DENND5B: variants seen among roughly 807,000 people sequenced by gnomAD.
The protein encoded by DENND5B is DENN domain-containing protein 5B.
A neutral mutation model predicts 140.6 loss-of-function variants in DENND5B; 34 were observed. That is an observed-to-expected ratio of 0.24 (90% CI 0.18 to 0.32). DENND5B has a LOEUF of 0.32. Ranked by LOEUF, DENND5B falls within the 10% of genes least tolerant of loss-of-function variation. DENND5B has a pLI of 1.00. For synonymous variants in DENND5B, 551 were observed against 562.1 expected (o/e 0.98, Z 0.28); for missense variants, 1,142 against 1,560.2 (o/e 0.73, Z 4.52).
intron 2 of DENND5B, among the ~76,000 whole-genome samples, chr12:31,489,791 T>C (rs1319303867): frequency 6.6e-6 from 1 of 152,168 alleles, no homozygotes; most frequent in East Asian, 1.9e-4. Flanking sequence ...GTGACCTGAG[T>C]GCTGGGAAGA....
intron 1 of DENND5B, among the ~76,000 whole-genome samples, chr12:31,526,118 T>G (rs1485682491): frequency 1.3e-5 from 2 of 152,212 alleles, no homozygotes; most frequent in African/African-American, 4.8e-5. Context: ...CCAGTTGTTA[T>G]TACAGTCTGT....
At chr12:31,564,662 C>T (rs1403332432) in intron 1 of DENND5B, among the ~76,000 whole-genome samples, 7 of 151,532 alleles carry the variant, frequency 4.6e-5, no homozygotes, top group Admixed American at 3.9e-4. Context: ...GATCTCTGCT[C>T]ACTGCAACCT....
intron 4 of DENND5B, among the ~76,000 whole-genome samples, chr12:31,458,784 TAAGA>T (rs1193474565): frequency 1.3e-5 from 2 of 152,212 alleles, no homozygotes; most frequent in Non-Finnish European, 2.9e-5. Context: ...GAGATTCTAT[TAAGA>T]AAGATGTGAA....
At chr12:31,521,790 C>G (rs1292312393) in intron 1 of DENND5B, among the ~76,000 whole-genome samples, 1 of 152,190 alleles carries the variant, frequency 6.6e-6, no homozygotes, top group Admixed American at 6.5e-5. Flanking sequence ...AGGTACACTT[C>G]ATCTCTTGTC....
intron 11 of DENND5B, among the ~76,000 whole-genome samples, chr12:31,419,356 G>A (rs1285427082): frequency 6.6e-6 from 1 of 152,080 alleles, no homozygotes; most frequent in African/African-American, 2.4e-5. Context: ...GGCAGAGGCA[G>A]GAGAATCTCT....
chr12:31,506,796 G>A (rs112432003), intron 1 of DENND5B, among the ~76,000 whole-genome samples: 307 of 152,332 alleles, frequency 2.0e-3, no homozygotes, highest in African/African-American at 7.0e-3. Context: ...AGATCAAGGA[G>A]AGAATGCAGA....
At chr12:31,588,210 T>A (rs60362906) in intron 1 of DENND5B, among the ~76,000 whole-genome samples, 1 of 152,144 alleles carries the variant, frequency 6.6e-6, no homozygotes, top group Non-Finnish European at 1.5e-5. Context: ...AGGTGATCCA[T>A]CTGGCCTGCT....
intron 1 of DENND5B, among the ~76,000 whole-genome samples, chr12:31,528,384 C>A (rs1948160956): frequency 6.6e-6 from 1 of 152,138 alleles, no homozygotes; most frequent in Admixed American, 6.5e-5. Context: ...GCATTTAGAG[C>A]CAACCAGGAT....
chr12:31,469,347 AAGAAG>A (rs764684934), intron 3 of DENND5B, among the ~76,000 whole-genome samples: 6 of 56,246 alleles, frequency 1.1e-4, no homozygotes, highest in South Asian at 5.5e-4. Context: ...AAAAAAAAAA[AAGAAG>A]AAGAAGAAGA....
At position 31,461,119 on chromosome 12, in the gene DENND5B, G is replaced by A. The variant is rs1944999469; in HGVS notation, c.905-738C>T. 3.9e-5 allele frequency among the ~76,000 whole-genome samples: 6 copies of A among 152,038 alleles called. No homozygotes were observed. The South Asian group carries it at 6.2e-4, about 16-fold the overall frequency. On this transcript the variant is annotated intron_variant, in intron 3 of 20. Coordinates refer to ENST00000389082, the MANE Select transcript of DENND5B (RefSeq NM_144973.4). ...TGTTTTGAGACAGTCTGGCCCCGTC[G>A]CCCAGGCTGGAGTGCAGTGGCATGA...
At chr12:31,430,712 A>G (rs1368012381) in intron 8 of DENND5B, among the ~76,000 whole-genome samples, 3 of 152,064 alleles carry the variant, frequency 2.0e-5, no homozygotes, top group Non-Finnish European at 4.4e-5. Context: ...TGTTTTATAT[A>G]AAGGAAAACA....
Position 31,413,482 on chromosome 12 carries a change from A to G in DENND5B, c.2635T>C (p.Leu879=). The G allele has an allele frequency of 6.2e-7, 1 of 1,613,868 alleles. No homozygotes were observed. ...AGCAACTGCTTAAGATGCTGGGACA[A>G]GAGCTTCTTTTCTAGAGACAGTCTT... ...WIRLSLEKKL[L]SQHLKQLLSN... is the part of the protein sequence containing the mutation. Residue 879 remains leucine (L), a synonymous_variant, in exon 13 of 21, where the codon TTG becomes CTG. Coordinates refer to ENST00000389082, the MANE Select transcript of DENND5B (RefSeq NM_144973.4).
chr12:31,466,687 T>C (rs1945282753), intron 3 of DENND5B, among the ~76,000 whole-genome samples: 1 of 132,476 alleles, frequency 7.5e-6, no homozygotes, highest in South Asian at 2.7e-4. Context: ...AGTGAGACTC[T>C]GTCTCAAAAA....
chr12:31,438,675 TAAC>T (rs1035950019), intron 7 of DENND5B, among the ~76,000 whole-genome samples: 3 of 151,652 alleles, frequency 2.0e-5, no homozygotes, highest in African/African-American at 7.3e-5. Flanking sequence ...AGAATATAAA[TAAC>T]AAACAAAATG....
Position 31,453,081 on chromosome 12 carries a change from T to C in DENND5B, c.1093-605A>G, listed in dbSNP as rs149129504. Among the ~76,000 whole-genome samples, 509 of 152,308 alleles carry C rather than the reference T, an allele frequency of 3.3e-3. 5 individuals are homozygous for C. Among genetic ancestry groups the C allele is most frequent in the African/African-American group, 0.011 (456 of 41,578 alleles). On this transcript the variant is annotated intron_variant, in intron 4 of 20. Coordinates refer to ENST00000389082, the MANE Select transcript of DENND5B (RefSeq NM_144973.4). ...GTAGTATCTCCCAATAGGATGAAAC[T>C]GGCAAAATCAATCCAATTCACAGAT...
In DENND5B at chr12:31,409,394, G is replaced by A. The variant is rs1215718338; in HGVS notation, c.2682-10C>T. The A allele has an allele frequency of 1.2e-5, 19 of 1,536,810 alleles. No individual in the cohort carries two copies. The highest frequency in any genetic ancestry group is 8.1e-5 in the Admixed American group (4 of 49,086). ...TCGCTTATAAAGCTTCCTAGGAAAG[G>A]GTAAGACAAGCACAAGACAGTAGTA... On this transcript the variant is annotated splice_polypyrimidine_tract_variant and intron_variant, in intron 13 of 20. Coordinates refer to ENST00000389082, the MANE Select transcript of DENND5B (RefSeq NM_144973.4).
intron 1 of DENND5B, among the ~76,000 whole-genome samples, chr12:31,585,931 T>C (rs1950379976): frequency 6.6e-6 from 1 of 152,220 alleles, no homozygotes; most frequent in Non-Finnish European, 1.5e-5. Context: ...TTTAAGAATA[T>C]TCTGGTCATC....
intron 1 of DENND5B, among the ~76,000 whole-genome samples, chr12:31,574,491 G>C (rs938555157): frequency 6.6e-6 from 1 of 151,964 alleles, no homozygotes; most frequent in Non-Finnish European, 1.5e-5. Context: ...TCGAGAGGCT[G>C]AGGCAGAAGA....
chr12:31,458,084 C>T (rs1029527440), intron 4 of DENND5B, among the ~76,000 whole-genome samples: 4 of 152,174 alleles, frequency 2.6e-5, no homozygotes, highest in Non-Finnish European at 5.9e-5. Context: ...GATGAGTATA[C>T]GTATTTATTA....
Sources: gnomAD v4.1 joint callset for allele counts (sites outside exome capture counted in the v4.1 genomes callset) on GRCh38, gnomAD v4.1.1 for gene constraint, MANE v1.5 for transcripts, NCBI Gene and HGNC (gene_info 2026-07-23, HGNC 2026-07-21) for gene names.